RBFOX1: variants seen among roughly 807,000 people sequenced by gnomAD.
RBFOX1 encodes RNA binding fox-1 homolog 1.
Under a neutral mutation model 57.7 loss-of-function variants are expected in RBFOX1, and 8 were observed. That is an observed-to-expected ratio of 0.14 (90% CI 0.08 to 0.25). The LOEUF (loss-of-function observed/expected upper bound fraction) is 0.25. Among genes scored for constraint, RBFOX1 ranks in the 10% least tolerant of loss-of-function variants. The pLI is 1.00. For missense variants in RBFOX1, 611 were observed against 548.5 expected (o/e 1.11, Z -1.14); for synonymous variants, 326 against 222.4 (o/e 1.47, Z -4.15).
At chr16:7,249,497 T>C (rs1484867011) in intron 4 of RBFOX1, among the ~76,000 whole-genome samples, 1 of 152,160 alleles carries the variant, frequency 6.6e-6, no homozygotes. Context: ...TTCTCTGTCT[T>C]TCTCTCTGAC....
chr16:6,763,791 C>A (rs993222224), intron 3 of RBFOX1, among the ~76,000 whole-genome samples: 1 of 152,230 alleles, frequency 6.6e-6, no homozygotes, highest in African/African-American at 2.4e-5. Flanking sequence ...AATGTGTTCA[C>A]ACTGAAACGT....
chr16:5,306,217 A>G (rs2063929247), intron 1 of RBFOX1, among the ~76,000 whole-genome samples: 1 of 152,326 alleles, frequency 6.6e-6, no homozygotes, highest in Non-Finnish European at 1.5e-5. Context: ...CTAAATAAAT[A>G]AAGATAATGG....
chr16:5,870,791 T>C (rs1446339329), intron 4 of RBFOX1, among the ~76,000 whole-genome samples: 3 of 152,182 alleles, frequency 2.0e-5, no homozygotes, highest in African/African-American at 7.2e-5. Context: ...ATTCATGGCA[T>C]GTTCTGTTAG....
chr16:7,045,796 C>T (rs1310618753), intron 3 of RBFOX1, among the ~76,000 whole-genome samples: 1 of 152,022 alleles, frequency 6.6e-6, no homozygotes, highest in African/African-American at 2.4e-5. Context: ...GCTGGGACTA[C>T]AGGCGCATTC....
chr16:6,422,503 G>A (rs541556350), intron 2 of RBFOX1, among the ~76,000 whole-genome samples: 1 of 152,204 alleles, frequency 6.6e-6, no homozygotes, highest in African/African-American at 2.4e-5. Flanking sequence ...AGAAATGCCT[G>A]AGACTGGGTA....
At chr16:6,637,212 ATT>A (rs1491181486) in intron 2 of RBFOX1, among the ~76,000 whole-genome samples, 1 of 57,896 alleles carries the variant, frequency 1.7e-5, no homozygotes, top group Non-Finnish European at 2.8e-5. Flanking sequence ...TATTATATAT[ATT>A]ATATAATATA....
At chr16:6,343,136 C>G (rs1214598246) in intron 2 of RBFOX1, among the ~76,000 whole-genome samples, 1 of 152,110 alleles carries the variant, frequency 6.6e-6, no homozygotes, top group Admixed American at 6.5e-5. Context: ...ATTTCTTATA[C>G]CCCTCTTCCT....
At chr16:6,295,247 C>T (rs576424781) in intron 1 of RBFOX1, among the ~76,000 whole-genome samples, 1 of 152,150 alleles carries the variant, frequency 6.6e-6, no homozygotes, top group Non-Finnish European at 1.5e-5. Context: ...CCTCAGCCTC[C>T]CAAGTAGCTG....
At chr16:7,036,110 G>A (rs2044333986) in intron 3 of RBFOX1, among the ~76,000 whole-genome samples, 2 of 152,226 alleles carry the variant, frequency 1.3e-5, no homozygotes, top group South Asian at 4.1e-4. Flanking sequence ...GAATAGCATG[G>A]AAAGACAGCC....
intron 3 of RBFOX1, among the ~76,000 whole-genome samples, chr16:6,779,606 G>A (rs79612458): frequency 0.019 from 2,858 of 147,248 alleles, 109 homozygotes; most frequent in African/African-American, 0.067. Flanking sequence ...TCTCCAGAGT[G>A]GCTGTACTAA....
chr16:7,400,235 C>T (rs1597462855), intron 4 of RBFOX1, among the ~76,000 whole-genome samples: 1 of 152,112 alleles, frequency 6.6e-6, no homozygotes, highest in Non-Finnish European at 1.5e-5. Flanking sequence ...TTGCACCTTC[C>T]CCAAAGCTCC....
chr16:6,347,787 G>A (rs1022717778), intron 2 of RBFOX1, among the ~76,000 whole-genome samples: 20 of 152,164 alleles, frequency 1.3e-4, no homozygotes, highest in African/African-American at 4.3e-4. Context: ...GTCTACCTGC[G>A]ACTGCCTGGC....
chr16:5,434,363 C>A (rs1367907960), intron 1 of RBFOX1, among the ~76,000 whole-genome samples: 1 of 117,046 alleles, frequency 8.5e-6, no homozygotes, highest in Non-Finnish European at 1.7e-5. Context: ...ACTATGTTAC[C>A]CAGGCTGGAG....
Position 7,256,158 on chromosome 16 carries a change from G to A in RBFOX1, c.27+204060G>A, listed in dbSNP as rs192758244. Reference sequence around the variant, plus strand: ...AAATAAATACATAGAATGTAAATCCGTGACCTATTTTCAGTCGAGGCGAGA... The same window carrying A: ...AAATAAATACATAGAATGTAAATCCATGACCTATTTTCAGTCGAGGCGAGA... On this transcript the variant is annotated intron_variant, in intron 4 of 15. Coordinates refer to ENST00000550418, the MANE Select transcript of RBFOX1 (RefSeq NM_018723.4). 8.4e-4 allele frequency among the ~76,000 whole-genome samples: 128 copies of A among 152,268 alleles called. 1 individual carries two copies. The highest frequency in any genetic ancestry group is 7.3e-3 in the Admixed American group (112 of 15,282).
intron 4 of RBFOX1, among the ~76,000 whole-genome samples, chr16:5,991,903 C>G (rs1391641892): frequency 6.6e-6 from 1 of 152,234 alleles, no homozygotes; most frequent in South Asian, 2.1e-4. Context: ...CATTTAAAAG[C>G]AACCATTCTT....
intron 2 of RBFOX1, among the ~76,000 whole-genome samples, chr16:5,555,111 C>T (rs1182236614): frequency 6.6e-6 from 1 of 152,138 alleles, no homozygotes; most frequent in African/African-American, 2.4e-5. Context: ...TCTCTAAAGC[C>T]CGGGGTACAG....
intron 5 of RBFOX1, among the ~76,000 whole-genome samples, chr16:7,566,217 C>T (rs1182868940): frequency 2.6e-5 from 4 of 152,060 alleles, no homozygotes; most frequent in Admixed American, 1.3e-4. Context: ...GAGGTCAACC[C>T]AGGACTCTAG....
chr16:6,998,176 A>G (rs755914310), intron 3 of RBFOX1, among the ~76,000 whole-genome samples: 7 of 152,152 alleles, frequency 4.6e-5, no homozygotes, highest in Non-Finnish European at 8.8e-5. Context: ...AAAGCAGCCA[A>G]AGCAGTACAT....
intron 2 of RBFOX1, among the ~76,000 whole-genome samples, chr16:6,583,657 AG>A (rs1284408192): frequency 6.6e-6 from 1 of 152,232 alleles, no homozygotes; most frequent in Non-Finnish European, 1.5e-5. Flanking sequence ...CAAGGTAACT[AG>A]GTATTTTAAA....
Sources: allele counts gnomAD v4.1 joint callset (sites outside exome capture counted in the v4.1 genomes callset), GRCh38; gene constraint gnomAD v4.1.1; transcripts MANE v1.5; gene names NCBI Gene and HGNC (gene_info 2026-07-23, HGNC 2026-07-21).